Variants in ADAR observed in about 807,000 individuals in gnomAD.
The protein encoded by ADAR is double-stranded RNA-specific adenosine deaminase.
A neutral mutation model predicts 113.2 loss-of-function variants in ADAR; 41 were observed. The observed-to-expected ratio is 0.36, with a 90% confidence interval of 0.28 to 0.47. The LOEUF is 0.47. Among genes scored for constraint, ADAR ranks in the 20% least tolerant of loss-of-function variants. The pLI is 1.00. For missense variants in ADAR, 1,242 were observed against 1,540.9 expected (o/e 0.81, Z 3.25); for synonymous variants, 605 against 572.6 (o/e 1.06, Z -0.81).
In ADAR at chr1:154,584,440, C is replaced by T. The variant is rs577071224; in HGVS notation, c.*366G>A. 3.0e-4 allele frequency: 69 copies of T among 232,906 alleles called. 1 individual carries two copies. The highest frequency in any genetic ancestry group is 1.5e-3 in the African/African-American group (67 of 43,554). 14.4% of individuals were successfully genotyped at this position (232,906 alleles called of 1,614,324 possible). ...GTTGACTGAAACCTAATCAAGACCG[C>T]AAGAGGTCAGTGTAGCAAACACAAA... On this transcript the variant is annotated 3_prime_UTR_variant, in exon 15 of 15. Transcript: ENST00000368474.
upstream of ADAR, chr1:154,608,845 T>TG (rs1557898287): frequency 8.0e-5 from 7 of 86,966 alleles, no homozygotes; most frequent in East Asian, 3.9e-4. Context: ...GGGGAGGGGA[T>TG]GGGCGGGAGC....
intron 2 of ADAR, 33 bp from the exon 3 acceptor site, chr1:154,598,618 A>T (rs1482120032): frequency 6.2e-7 from 1 of 1,608,474 alleles, no homozygotes. Flanking sequence ...TGTGAACAGG[A>T]GTCTAGGTCA....
At chr1:154,612,173 T>A (rs937555751), upstream of ADAR, among the ~76,000 whole-genome samples, 3 of 152,178 alleles carry the variant, frequency 2.0e-5, no homozygotes, top group African/African-American at 7.2e-5. Flanking sequence ...AATTGGAACA[T>A]CTATCTCCTG....
In ADAR at chr1:154,596,818, G is replaced by A. The variant is rs1445510979; in HGVS notation, c.2257C>T (p.Pro753Ser). Reference sequence around the variant, plus strand: ...TAGGACACTCACTTGGGCTCGTGAGGAGGTCCGGACTGGTCGACCAACTTG... The same window carrying A: ...TAGGACACTCACTTGGGCTCGTGAGAAGGTCCGGACTGGTCGACCAACTTG... ...EFKLVDQSGP[P>S]HEPKFVYQAK... is the part of the protein sequence containing the mutation. Residue 753 changes from proline to serine, a missense_variant, in exon 6 of 15, where the codon CCT (proline) becomes TCT (serine). By Grantham distance (74) the Pro-to-Ser change is moderately conservative (BLOSUM62 -1). Transcript: ENST00000368474. The A allele has an allele frequency of 6.2e-7, 1 of 1,613,248 alleles. No homozygotes were observed.
At chr1:154,594,537 C>T (rs937292963) in intron 6 of ADAR, among the ~76,000 whole-genome samples, 1 of 152,202 alleles carries the variant, frequency 6.6e-6, no homozygotes, top group African/African-American at 2.4e-5. Flanking sequence ...CAATATCTGA[C>T]TCCCGCATCC....
chr1:154,584,479 G>GTCGCCGTATCATTA lies in ADAR; in HGVS notation c.*326_*327insTAATGATACGGCGA. 3.2e-6 allele frequency: 1 copy of GTCGCCGTATCATTA among 317,092 alleles called. No homozygotes were observed. Among genetic ancestry groups the GTCGCCGTATCATTA allele is most frequent in the Non-Finnish European group, 5.9e-6 (1 of 170,442 alleles). The allele number at this position is 317,092 out of a possible 1,614,324, so 19.6% of individuals were successfully genotyped here. A position where few individuals can be genotyped will look rare whatever the true frequency, so the allele number is the denominator to read the frequency against. ...AGCAAACACAAAGGGAAAGGAAATG[G>GTCGCCGTATCATTA]AAACAAATCAAAACAAAACTTTTAA... On this transcript the variant is annotated 3_prime_UTR_variant, in exon 15 of 15. Transcript: ENST00000368474.
chr1:154,612,618 C>T (rs1046346079), upstream of ADAR, among the ~76,000 whole-genome samples: 1 of 151,930 alleles, frequency 6.6e-6, no homozygotes, highest in African/African-American at 2.4e-5. Context: ...TGAGCCACCA[C>T]GCCCAGCCTG....
intron 2 of ADAR, among the ~76,000 whole-genome samples, chr1:154,599,737 T>G (rs1463087683): frequency 1.3e-5 from 2 of 152,358 alleles, no homozygotes; most frequent in Non-Finnish European, 2.9e-5. Context: ...GAAGCTCCTG[T>G]TTTCCTCAAT....
chr1:154,627,919 CCCCCCACCCT>C, exon 1 of ADAR: 1 of 502,980 alleles, frequency 2.0e-6, no homozygotes, highest in South Asian at 1.4e-5. Context: ...CCGCGACCCT[CCCCCCACCCT>C]CCCCCACCAC....
At chr1:154,597,094 T>G (rs1557879595) in intron 5 of ADAR, 29 bp downstream of exon 5, 3 of 1,614,196 alleles carry the variant, frequency 1.9e-6, no homozygotes. Flanking sequence ...AAAAATGACC[T>G]GTATCTTTTG....
intron 6 of ADAR, among the ~76,000 whole-genome samples, chr1:154,591,592 T>C (rs529779071): frequency 6.6e-6 from 1 of 152,264 alleles, no homozygotes; most frequent in East Asian, 1.9e-4. Context: ...GGGAAGAGCA[T>C]GGTGGAGCAA....
chr1:154,618,349 T>C (rs1410232879), intron 1 of ADAR, among the ~76,000 whole-genome samples: 1 of 152,116 alleles, frequency 6.6e-6, no homozygotes, highest in African/African-American at 2.4e-5. Context: ...ACTTTATGAA[T>C]ACTAATTAAT....
chr1:154,612,517 C>T (rs566573959), upstream of ADAR, among the ~76,000 whole-genome samples: 4 of 151,430 alleles, frequency 2.6e-5, no homozygotes, highest in South Asian at 2.1e-4. Flanking sequence ...TTATTAGAGA[C>T]GGGGTTTCAC....
chr1:154,620,365 C>T (rs1698756055), intron 1 of ADAR, among the ~76,000 whole-genome samples: 1 of 151,264 alleles, frequency 6.6e-6, no homozygotes, highest in Non-Finnish European at 1.5e-5. Context: ...AAGATCGTGC[C>T]ACTGCACTCC....
Position 154,584,364 on chromosome 1 carries a change from G to C in ADAR, c.*442C>G, listed in dbSNP as rs1696604440. On this transcript the variant is annotated 3_prime_UTR_variant, in exon 15 of 15. Coordinates refer to ENST00000368474, the MANE Select transcript of ADAR (RefSeq NM_001111.5). The stretch of plus-strand genomic sequence containing the variant: ...TCAGAAGGGAAAGAGGGGAAGTAGA[G>C]GGGTCTGCGTAATCCACAAATGAAA... 1 of 163,568 alleles carries C rather than the reference G, an allele frequency of 6.1e-6. No homozygotes were observed. The highest frequency in any genetic ancestry group is 1.3e-5 in the Non-Finnish European group (1 of 74,520). The allele number at this position is 163,568 out of a possible 1,614,324, so 10.1% of individuals were successfully genotyped here. A position where few individuals can be genotyped will look rare whatever the true frequency, so the allele number is the denominator to read the frequency against.
upstream of ADAR, among the ~76,000 whole-genome samples, chr1:154,612,318 GTTTTTTTTTTTTTT>G (rs55714254): frequency 1.0e-4 from 7 of 69,200 alleles, no homozygotes; most frequent in Middle Eastern, 0.011. Context: ...AAATTACTCA[GTTTTTTTTTTTTTT>G]TTTTTTTTTT....
At chr1:154,617,865 CAAAAAT>C (rs1273636921) in intron 1 of ADAR, among the ~76,000 whole-genome samples, 1 of 151,338 alleles carries the variant, frequency 6.6e-6, no homozygotes, top group African/African-American at 2.4e-5. Flanking sequence ...CATTATGAAA[CAAAAAT>C]AAGAGATAAA....
intron 1 of ADAR, among the ~76,000 whole-genome samples, chr1:154,620,872 C>G (rs1698774472): frequency 6.6e-6 from 1 of 152,036 alleles, no homozygotes; most frequent in Non-Finnish European, 1.5e-5. Flanking sequence ...TAGTTATGCT[C>G]CCATGAAAAA....
At chr1:154,621,288 C>G (rs1557905438) in intron 1 of ADAR, among the ~76,000 whole-genome samples, 1 of 150,348 alleles carries the variant, frequency 6.7e-6, no homozygotes, top group Non-Finnish European at 1.5e-5. Context: ...AAATGCAAAC[C>G]ATAAAAAAAA....
Sources: allele counts gnomAD v4.1 joint callset (sites outside exome capture counted in the v4.1 genomes callset), GRCh38; gene constraint gnomAD v4.1.1; transcripts MANE v1.5; gene names NCBI Gene and HGNC (gene_info 2026-07-23, HGNC 2026-07-21).